The following NYAP2 variants were observed in gnomAD, a reference collection of about 807,000 sequenced individuals.
The protein encoded by NYAP2 is neuronal tyrosine-phosphorylated phosphoinositide-3-kinase adapter 2.
NYAP2 carries 23 observed loss-of-function variants against 50.4 expected under a neutral mutation model. That is an observed-to-expected ratio of 0.46 (90% CI 0.33 to 0.65). The LOEUF is 0.65. NYAP2 is among the 30% of genes least tolerant of loss of function. The pLI is 0.02. For synonymous variants in NYAP2, 394 were observed against 365.2 expected (o/e 1.08, Z -0.90); for missense variants, 885 against 861.0 (o/e 1.03, Z -0.35).
the NYAP2 span, among the ~76,000 whole-genome samples, chr2:225,695,782 A>G: frequency 6.6e-6 from 1 of 151,960 alleles, no homozygotes; most frequent in East Asian, 1.9e-4. Context: ...CTGTTGGAAC[A>G]CAAACTTATT....
chr2:225,576,476 T>C (rs1692171828), intron 4 of NYAP2, among the ~76,000 whole-genome samples: 1 of 152,174 alleles, frequency 6.6e-6, no homozygotes. Context: ...AAAATATCCT[T>C]CAGAGTCATG....
chr2:225,519,600 C>T (rs1463674212), intron 4 of NYAP2, among the ~76,000 whole-genome samples: 12 of 152,086 alleles, frequency 7.9e-5, no homozygotes, highest in Non-Finnish European at 1.2e-4. Context: ...AGGACATGAA[C>T]TCATCATTTT....
intron 2 of NYAP2, among the ~76,000 whole-genome samples, chr2:225,406,713 T>C (rs1164415407): frequency 1.3e-5 from 2 of 152,024 alleles, no homozygotes; most frequent in African/African-American, 2.4e-5. Context: ...CTCCTTTTTG[T>C]TTTTAAAAAA....
chr2:225,645,699 G>A (rs552755390), intron 6 of NYAP2, among the ~76,000 whole-genome samples: 39 of 152,256 alleles, frequency 2.6e-4, no homozygotes, highest in Admixed American at 2.4e-3. Context: ...TTTCCTTGGG[G>A]TAGGAAAGCT....
chr2:225,443,702 A>T (rs1242060345), intron 3 of NYAP2, among the ~76,000 whole-genome samples: 1 of 152,256 alleles, frequency 6.6e-6, no homozygotes, highest in African/African-American at 2.4e-5. Flanking sequence ...TGTATTAACC[A>T]CTAAACCAAT....
chr2:225,661,000 A>T, the NYAP2 span, among the ~76,000 whole-genome samples: 5 of 152,148 alleles, frequency 3.3e-5, no homozygotes, highest in Non-Finnish European at 7.4e-5. Flanking sequence ...CCTTAATTCA[A>T]CCTGAGTTTC....
chr2:225,687,967 C>T, the NYAP2 span, among the ~76,000 whole-genome samples: 1 of 152,164 alleles, frequency 6.6e-6, no homozygotes, highest in Non-Finnish European at 1.5e-5. Flanking sequence ...AAAACTATAA[C>T]TGCTTAAGAC....
the NYAP2 span, among the ~76,000 whole-genome samples, chr2:225,664,159 T>C: frequency 3.9e-5 from 6 of 152,232 alleles, no homozygotes; most frequent in East Asian, 9.7e-4. Flanking sequence ...TGCTACTATC[T>C]GAGTTTCAAA....
intron 3 of NYAP2, among the ~76,000 whole-genome samples, chr2:225,414,829 T>C (rs1332923452): frequency 2.0e-5 from 3 of 152,164 alleles, no homozygotes; most frequent in Admixed American, 2.0e-4. Flanking sequence ...AATCTGAAAC[T>C]GGTCCCTGCA....
the NYAP2 span, among the ~76,000 whole-genome samples, chr2:225,660,237 G>T: frequency 1.3e-5 from 2 of 152,044 alleles, no homozygotes; most frequent in African/African-American, 2.4e-5. Context: ...TTCTTACCTT[G>T]TAGGTCTCAT....
intron 6 of NYAP2, among the ~76,000 whole-genome samples, chr2:225,639,248 C>A (rs1693482365): frequency 6.6e-6 from 1 of 152,122 alleles, no homozygotes; most frequent in Non-Finnish European, 1.5e-5. Flanking sequence ...AGAGAACAGA[C>A]TCTGGTATAA....
At chr2:225,694,338 A>G in the NYAP2 span, among the ~76,000 whole-genome samples, 1 of 151,782 alleles carries the variant, frequency 6.6e-6, no homozygotes, top group African/African-American at 2.4e-5. Context: ...GAATTTTGTG[A>G]TAAAAGAAAA....
chr2:225,456,911 C>CTT (rs1186057190), intron 3 of NYAP2, among the ~76,000 whole-genome samples: 1 of 152,198 alleles, frequency 6.6e-6, no homozygotes, highest in East Asian at 1.9e-4. Flanking sequence ...ACCCAAAAGA[C>CTT]TTTCCCCCCT....
intron 3 of NYAP2, among the ~76,000 whole-genome samples, chr2:225,508,504 T>C (rs1424602810): frequency 6.6e-6 from 1 of 152,138 alleles, no homozygotes; most frequent in Admixed American, 6.5e-5. Context: ...ATGACAGAGT[T>C]AGAAGTCTGG....
At chr2:225,489,676 T>C (rs1229336170) in intron 3 of NYAP2, among the ~76,000 whole-genome samples, 1 of 152,238 alleles carries the variant, frequency 6.6e-6, no homozygotes, top group African/African-American at 2.4e-5. Flanking sequence ...TGGAGTCATA[T>C]GGCTAGGATG....
chr2:225,601,087 A>G (rs1174279105), intron 5 of NYAP2, among the ~76,000 whole-genome samples: 1 of 151,400 alleles, frequency 6.6e-6, no homozygotes, highest in Non-Finnish European at 1.5e-5. Context: ...CAGAAGTAGA[A>G]CTGCTGAATC....
chr2:225,438,752 T>C (rs12990837), intron 3 of NYAP2, among the ~76,000 whole-genome samples: 4 of 152,292 alleles, frequency 2.6e-5, no homozygotes, highest in Non-Finnish European at 4.4e-5. Flanking sequence ...CACTAAAAAT[T>C]ATGATGGGGA....
At chr2:225,666,158 A>G in the NYAP2 span, among the ~76,000 whole-genome samples, 57 of 152,192 alleles carry the variant, frequency 3.7e-4, no homozygotes, top group African/African-American at 1.3e-3. Flanking sequence ...TCCATGCGCT[A>G]AAGTCACCTA....
chr2:225,654,696 T>G (rs1693796871), downstream of NYAP2, among the ~76,000 whole-genome samples: 1 of 151,850 alleles, frequency 6.6e-6, no homozygotes. Flanking sequence ...AAAAATAAAA[T>G]AAAACAAAAA....
Sources: gnomAD v4.1 joint callset for allele counts (sites outside exome capture counted in the v4.1 genomes callset) on GRCh38, gnomAD v4.1.1 for gene constraint, MANE v1.5 for transcripts, NCBI Gene and HGNC (gene_info 2026-07-23, HGNC 2026-07-21) for gene names.